CEP63: variants seen among roughly 807,000 people sequenced by gnomAD.
The protein encoded by CEP63 is centrosomal protein of 63 kDa.
CEP63 carries 84 observed loss-of-function variants against 89.1 expected under a neutral mutation model. That is an observed-to-expected ratio of 0.94 (90% CI 0.79 to 1.13). The LOEUF is 1.13. Among genes scored for constraint, CEP63 ranks in the 50% most tolerant of loss-of-function variants. The pLI is 0.00. For synonymous variants in CEP63, 267 were observed against 272.5 expected (o/e 0.98, Z 0.20); for missense variants, 838 against 813.3 (o/e 1.03, Z -0.37).
At chr3:134,665,716 G>GAA in the CEP63 span, among the ~76,000 whole-genome samples, 1 of 141,498 alleles carries the variant, frequency 7.1e-6, no homozygotes, top group African/African-American at 2.5e-5. Context: ...GAGAGAGAGA[G>GAA]AGAGAGAGAC....
At chr3:134,544,218 T>G (rs1236322887) in intron 6 of CEP63, among the ~76,000 whole-genome samples, 2 of 152,210 alleles carry the variant, frequency 1.3e-5, no homozygotes, top group Non-Finnish European at 2.9e-5. Context: ...GATTTTACCT[T>G]TAGAAATATT....
the CEP63 span, among the ~76,000 whole-genome samples, chr3:134,715,767 C>CT: frequency 6.6e-6 from 1 of 152,058 alleles, no homozygotes; most frequent in African/African-American, 2.4e-5. Flanking sequence ...CAAATTTCCC[C>CT]TTTACAAAAA....
chr3:134,649,161 G>A, the CEP63 span, among the ~76,000 whole-genome samples: 1 of 152,196 alleles, frequency 6.6e-6, no homozygotes, highest in African/African-American at 2.4e-5. Context: ...TAGCATCGGT[G>A]AGAAACGGCC....
At chr3:134,593,091 C>T in the CEP63 span, among the ~76,000 whole-genome samples, 1,070 of 152,248 alleles carry the variant, frequency 7.0e-3, 12 homozygotes, top group African/African-American at 0.025. Flanking sequence ...GGACAGCTGC[C>T]TCATGGAGTG....
intron 1 of CEP63, among the ~76,000 whole-genome samples, chr3:134,490,096 T>C (rs1453062283): frequency 6.6e-6 from 1 of 152,152 alleles, no homozygotes; most frequent in Non-Finnish European, 1.5e-5. Context: ...ACCACAGTCT[T>C]ACCTAGGTGG....
At chr3:134,619,125 A>C in the CEP63 span, 1 of 1,585,914 alleles carries the variant, frequency 6.3e-7, no homozygotes. Context: ...GGTGGTCAGC[A>C]TGGGGACTCC....
the CEP63 span, among the ~76,000 whole-genome samples, chr3:134,595,406 C>T: frequency 8.5e-5 from 13 of 152,200 alleles, no homozygotes; most frequent in African/African-American, 2.7e-4. Flanking sequence ...TACCCAGTCT[C>T]GGGTATGTCT....
chr3:134,750,807 C>T, the CEP63 span, among the ~76,000 whole-genome samples: 1 of 152,208 alleles, frequency 6.6e-6, no homozygotes, highest in East Asian at 1.9e-4. Context: ...CCAAAACCAA[C>T]AGAGTCTCCA....
At chr3:134,586,267 G>T (rs1012863930) in intron 10 of CEP63, among the ~76,000 whole-genome samples, 1 of 152,184 alleles carries the variant, frequency 6.6e-6, no homozygotes, top group Non-Finnish European at 1.5e-5. Context: ...CCCGTTAATT[G>T]ATGCAGTTTC....
At chr3:134,694,044 C>A in the CEP63 span, among the ~76,000 whole-genome samples, 1 of 152,242 alleles carries the variant, frequency 6.6e-6, no homozygotes, top group East Asian at 1.9e-4. Flanking sequence ...TGATGCTAAC[C>A]TTCTCCACCA....
intron 3 of CEP63, among the ~76,000 whole-genome samples, chr3:134,523,402 C>G (rs1407997594): frequency 6.6e-6 from 1 of 151,928 alleles, no homozygotes; most frequent in Non-Finnish European, 1.5e-5. Flanking sequence ...TAATTAGATC[C>G]CATTTGTTGA....
the CEP63 span, among the ~76,000 whole-genome samples, chr3:134,647,787 G>C: frequency 6.6e-6 from 1 of 152,296 alleles, no homozygotes; most frequent in South Asian, 2.1e-4. Context: ...CCTCTCCACT[G>C]CATACATATG....
chr3:134,770,669 C>A, the CEP63 span, among the ~76,000 whole-genome samples: 2 of 152,186 alleles, frequency 1.3e-5, no homozygotes, highest in East Asian at 3.9e-4. Flanking sequence ...TAGCCACAAT[C>A]ATCGCTTACC....
At chr3:134,676,425 G>A in the CEP63 span, among the ~76,000 whole-genome samples, 6 of 152,204 alleles carry the variant, frequency 3.9e-5, no homozygotes. Flanking sequence ...AGGGGTTTGG[G>A]GTAGGGAAAA....
At chr3:134,544,638 G>GGA (rs888070873) in intron 6 of CEP63, among the ~76,000 whole-genome samples, 2 of 149,876 alleles carry the variant, frequency 1.3e-5, no homozygotes, top group Admixed American at 6.6e-5. Context: ...GCTCTAGGTG[G>GGA]GGGGGGGAAT....
the CEP63 span, among the ~76,000 whole-genome samples, chr3:134,683,692 C>T: frequency 7.2e-5 from 11 of 152,060 alleles, no homozygotes; most frequent in Non-Finnish European, 1.3e-4. Flanking sequence ...GTCTGCCTCT[C>T]ATTCTGCTTG....
chr3:134,549,718 A>G (rs1954386335), intron 10 of CEP63, among the ~76,000 whole-genome samples: 1 of 152,178 alleles, frequency 6.6e-6, no homozygotes, highest in Non-Finnish European at 1.5e-5. Context: ...CCTGTGGACT[A>G]AGATACCATA....
rs145231681 is a variant in CEP63 at position 134,523,677 on chromosome 3, T to C, written c.223-8168T>C. ...TCCTTATTGCTTGTTTTTGTCAGTT[T>C]TGTTGAAGATCAGATAGTTACAGGT... is the stretch of plus-strand genomic sequence containing the variant. On this transcript the variant is annotated intron_variant, in intron 3 of 14. Coordinates refer to ENST00000675561, the MANE Select transcript of CEP63 (RefSeq NM_001353108.3). Among the ~76,000 whole-genome samples, 101 of 152,296 alleles carry C rather than the reference T, an allele frequency of 6.6e-4. 1 individual carries two copies. The East Asian group carries it at 7.5e-3, about 11-fold the overall frequency.
the CEP63 span, among the ~76,000 whole-genome samples, chr3:134,666,460 C>T: frequency 1.3e-5 from 2 of 152,206 alleles, no homozygotes; most frequent in African/African-American, 4.8e-5. Context: ...AAGCATTGGT[C>T]CCCCATCTCC....
Sources: gnomAD v4.1 joint callset for allele counts (sites outside exome capture counted in the v4.1 genomes callset) on GRCh38, gnomAD v4.1.1 for gene constraint, MANE v1.5 for transcripts, NCBI Gene and HGNC (gene_info 2026-07-23, HGNC 2026-07-21) for gene names.